Variants in LDAH observed in about 807,000 individuals in gnomAD.
The protein encoded by LDAH is lipid droplet-associated hydrolase.
In LDAH, 26 loss-of-function variants were observed where a neutral mutation model predicts 29.6. The observed-to-expected ratio is 0.88, with a 90% CI of 0.64 to 1.22. The LOEUF is 1.22. Among genes scored for constraint, LDAH ranks in the 50% most tolerant of loss-of-function variants. The probability of loss-of-function intolerance (pLI) is 0.00; values close to 1 mark genes in which losing one functional copy is unlikely to be tolerated. For synonymous variants in LDAH, 117 were observed against 133.0 expected, an observed-to-expected ratio of 0.88 and a Z score of 0.83; for missense variants, 344 against 387.3, an observed-to-expected ratio of 0.89 and a Z score of 0.94.
intron 1 of LDAH, among the ~76,000 whole-genome samples, chr2:20,819,559 G>C (rs533084): frequency 6.6e-6 from 1 of 152,026 alleles, no homozygotes; most frequent in Non-Finnish European, 1.5e-5. Context: ...CCTTTGACAA[G>C]ATTCAACAGC....
At chr2:20,701,147 G>A (rs1478940156) in intron 6 of LDAH, among the ~76,000 whole-genome samples, 2 of 152,182 alleles carry the variant, frequency 1.3e-5, no homozygotes, top group Non-Finnish European at 2.9e-5. Context: ...TAGGGTCAGA[G>A]CAGGACATTC....
chr2:20,722,012 T>C (rs1665681609), intron 5 of LDAH, among the ~76,000 whole-genome samples: 3 of 152,174 alleles, frequency 2.0e-5, no homozygotes. Context: ...TTGGAGGTTA[T>C]TATGTTAAGT....
At chr2:20,759,014 A>G (rs1668509233) in intron 4 of LDAH, among the ~76,000 whole-genome samples, 1 of 152,236 alleles carries the variant, frequency 6.6e-6, no homozygotes, top group Admixed American at 6.5e-5. Context: ...TGAAGCTCTC[A>G]GAGACTTTCT....
In LDAH at chr2:20,740,006, A is replaced by G. The variant is rs375598808; in HGVS notation, c.668T>C (p.Phe223Ser). 5.0e-5 allele frequency: 81 copies of G among 1,613,906 alleles called. No individual in the cohort carries two copies. Among genetic ancestry groups the G allele is most frequent in the Non-Finnish European group, 6.1e-5 (72 of 1,179,924 alleles). Reference protein sequence around the residue: ...GLQVMNLENEFSPLNILEPFC... With the variant: ...GLQVMNLENESSPLNILEPFC... The stretch of plus-strand genomic sequence containing the variant: ...TGGTTCTAATATATTCAATGGTGAA[A>G]ATTCATTCTCTAGGTTCATTACTTG... The change falls in exon 5 of 7, where the codon TTT (phenylalanine) becomes TCT (serine). Residue 223 changes from phenylalanine to serine, a missense_variant. By Grantham distance (155) the Phe-to-Ser change is radical. Transcript: ENST00000237822.
intron 1 of LDAH, among the ~76,000 whole-genome samples, chr2:20,810,308 CT>C (rs1558500989): frequency 1.3e-5 from 2 of 152,214 alleles, no homozygotes; most frequent in Non-Finnish European, 2.9e-5. Flanking sequence ...GCTACTTAAG[CT>C]TCTTCAGAAA....
intron 2 of LDAH, among the ~76,000 whole-genome samples, chr2:20,799,483 G>A (rs1671523168): frequency 6.6e-6 from 1 of 152,086 alleles, no homozygotes; most frequent in Admixed American, 6.6e-5. Context: ...TCATTTCTAT[G>A]TGTTGAGAAA....
At chr2:20,773,326 A>G (rs1669560052) in intron 4 of LDAH, among the ~76,000 whole-genome samples, 2 of 151,772 alleles carry the variant, frequency 1.3e-5, no homozygotes. Context: ...AAAAAAAAAA[A>G]GGACAATAAA....
At chr2:20,701,119 A>T (rs1663903794) in intron 6 of LDAH, among the ~76,000 whole-genome samples, 1 of 152,198 alleles carries the variant, frequency 6.6e-6, no homozygotes. Context: ...AATGTTGAAT[A>T]TTTCACAAAA....
At chr2:20,817,198 G>A (rs1010561730) in intron 1 of LDAH, among the ~76,000 whole-genome samples, 10 of 151,708 alleles carry the variant, frequency 6.6e-5, no homozygotes, top group African/African-American at 2.4e-4. Flanking sequence ...AAATATAAGA[G>A]CAGAAATCAA....
intron 3 of LDAH, among the ~76,000 whole-genome samples, chr2:20,787,548 C>G (rs1383919769): frequency 6.6e-6 from 1 of 152,108 alleles, no homozygotes; most frequent in Non-Finnish European, 1.5e-5. Flanking sequence ...CCTGCCTTGG[C>G]CTCCCAAAGT....
At chr2:20,721,613 C>T (rs983660858) in intron 5 of LDAH, among the ~76,000 whole-genome samples, 1 of 151,736 alleles carries the variant, frequency 6.6e-6, no homozygotes, top group Non-Finnish European at 1.5e-5. Context: ...GTTAGAGTGG[C>T]TATCAAGAAA....
In LDAH at chr2:20,690,831, G is replaced by A. The variant is rs529653598; in HGVS notation, c.787-3737C>T. ...ATGCACCATGATGAACCAATGGGCC[G>A]AGAGCAATGGCCAGGCTCTGTGCTA... On this transcript the variant is annotated intron_variant, in intron 6 of 6. Transcript: ENST00000237822. Among the ~76,000 whole-genome samples the A allele has an allele frequency of 9.5e-4, 145 of 152,254 alleles. 1 individual carries two copies. Among genetic ancestry groups the A allele is most frequent in the African/African-American group, 3.4e-3 (140 of 41,552 alleles).
At chr2:20,693,495 G>C (rs1001467521) in intron 6 of LDAH, among the ~76,000 whole-genome samples, 1 of 152,122 alleles carries the variant, frequency 6.6e-6, no homozygotes, top group Non-Finnish European at 1.5e-5. Context: ...TGACTGTAGA[G>C]AAAGACAGGT....
At chr2:20,783,436 C>A (rs1670340445) in intron 3 of LDAH, among the ~76,000 whole-genome samples, 1 of 152,172 alleles carries the variant, frequency 6.6e-6, no homozygotes, top group Non-Finnish European at 1.5e-5. Context: ...ATAGTGCAGT[C>A]TATCAGTTTT....
At chr2:20,784,301 G>A (rs1670401066) in intron 3 of LDAH, among the ~76,000 whole-genome samples, 1 of 152,108 alleles carries the variant, frequency 6.6e-6, no homozygotes, top group Non-Finnish European at 1.5e-5. Flanking sequence ...AGCTACTCAG[G>A]AGGCTGAGGT....
chr2:20,732,765 C>A (rs2149425057), intron 5 of LDAH, among the ~76,000 whole-genome samples: 1 of 152,200 alleles, frequency 6.6e-6, no homozygotes, highest in Non-Finnish European at 1.5e-5. Flanking sequence ...TAATTTGTGT[C>A]TTCAGCTGTT....
At chr2:20,693,794 C>T (rs1313956862) in intron 6 of LDAH, among the ~76,000 whole-genome samples, 2 of 152,234 alleles carry the variant, frequency 1.3e-5, no homozygotes, top group South Asian at 2.1e-4. Flanking sequence ...TAATGCCCAC[C>T]GCTTTTCTGA....
At chr2:20,703,711 T>C (rs1047442894) in intron 5 of LDAH, among the ~76,000 whole-genome samples, 1 of 152,202 alleles carries the variant, frequency 6.6e-6, no homozygotes, top group African/African-American at 2.4e-5. Flanking sequence ...TCCAGGACCC[T>C]GAGACCTTCT....
chr2:20,685,631 GA>G lies in LDAH; in HGVS notation c.*1271del. Reference sequence around the variant, plus strand: ...GGAGGGACATCTCATTGTCCTTAGGGAATGATAATGCCATGAGGGATTTCCT... The same window carrying G: ...GGAGGGACATCTCATTGTCCTTAGGGATGATAATGCCATGAGGGATTTCCT... On this transcript the variant is annotated 3_prime_UTR_variant, in exon 7 of 7. Coordinates refer to ENST00000237822, the MANE Select transcript of LDAH (RefSeq NM_021925.4). 1 of 1,550,326 alleles carries G rather than the reference GA, an allele frequency of 6.5e-7. No homozygotes were observed. Among genetic ancestry groups the G allele is most frequent in the Non-Finnish European group, 8.7e-7 (1 of 1,146,934 alleles).
Sources: gnomAD v4.1 joint callset for allele counts (sites outside exome capture counted in the v4.1 genomes callset) on GRCh38, gnomAD v4.1.1 for gene constraint, MANE v1.5 for transcripts, NCBI Gene and HGNC (gene_info 2026-07-23, HGNC 2026-07-21) for gene names.